The following TMEM132E variants were observed in gnomAD, a reference collection of about 807,000 sequenced individuals.
TMEM132E encodes the protein transmembrane protein 132E.
Under a neutral mutation model 78.5 loss-of-function variants are expected in TMEM132E, and 49 were observed. The ratio of observed to expected loss-of-function variants is 0.62; its 90% confidence interval spans 0.50 to 0.79. TMEM132E has a LOEUF of 0.79. Ranked by LOEUF, TMEM132E falls within the 30% of genes least tolerant of loss-of-function variation. The probability of loss-of-function intolerance (pLI) is 0.00; values close to 1 mark genes in which losing one functional copy is unlikely to be tolerated. For synonymous variants in TMEM132E, 715 were observed against 670.6 expected (o/e 1.07, Z -1.02); for missense variants, 1,403 against 1,470.9 (o/e 0.95, Z 0.75).
At chr17:34,615,128 T>A (rs1351184231) in intron 1 of TMEM132E, among the ~76,000 whole-genome samples, 1 of 110,290 alleles carries the variant, frequency 9.1e-6, no homozygotes, top group Non-Finnish European at 2.1e-5. Flanking sequence ...TTTCAGCAAG[T>A]CTTCCCTCCC....
chr17:34,623,401 T>TCCC (rs5820092), intron 1 of TMEM132E, among the ~76,000 whole-genome samples: 1 of 144,906 alleles, frequency 6.9e-6, no homozygotes, highest in African/African-American at 2.6e-5. Context: ...TAGTACCCGC[T>TCCC]CCCCCCCCCC....
chr17:34,584,361 C>A (rs541654271), intron 1 of TMEM132E, among the ~76,000 whole-genome samples: 1 of 152,242 alleles, frequency 6.6e-6, no homozygotes, highest in South Asian at 2.1e-4. Flanking sequence ...CTCCAGGGAG[C>A]CTCCGTAGAT....
chr17:34,594,378 A>G (rs955629909), intron 1 of TMEM132E, among the ~76,000 whole-genome samples: 1 of 152,236 alleles, frequency 6.6e-6, no homozygotes, highest in African/African-American at 2.4e-5. Flanking sequence ...TCATTCACTC[A>G]TTAACACATT....
At position 34,626,595 on chromosome 17, in the gene TMEM132E, C is replaced by T. The variant is rs751281806; in HGVS notation, c.536C>T (p.Ser179Phe). 1 of 1,542,908 alleles carries T rather than the reference C, an allele frequency of 6.5e-7. No individual in the cohort carries two copies. The highest frequency in any genetic ancestry group is 8.7e-7 in the Non-Finnish European group (1 of 1,150,280). The change falls in exon 2 of 9, where the codon TCC becomes TTC. Residue 179 changes from serine (S) to phenylalanine (F), a missense_variant. Ser to Phe is a radical substitution (Grantham distance 155). Around this residue, in one of 3 missense-constraint regions of TMEM132E, gnomAD observed 511 missense variants for 499.0 expected, o/e 1.02. Transcript: ENST00000631683. The part of the protein sequence containing the change: ...AFRDAREVKS[S>F]CRLSGGLATC... ...CGGGATGCCCGGGAAGTCAAGAGCT[C>T]CTGCCGCCTCAGCGGGGGCCTGGCC...
chr17:34,630,094 C>A lies in TMEM132E; in HGVS notation c.1425C>A (p.Leu475=), dbSNP rs144733722. ...VKVIAIEVNG[L]VLDISALVEC... ...TCATTGCCATCGAGGTGAATGGCCT[C>A]GTCCTGGACATCTCCGCCCTAGTGG... is the stretch of plus-strand genomic sequence containing the variant. The change falls in exon 5 of 9, where the codon CTC becomes CTA. Residue 475 remains leucine, a synonymous_variant. Transcript: ENST00000631683. 13 of 1,613,676 alleles carry A rather than the reference C, an allele frequency of 8.1e-6. No homozygotes were observed. The highest frequency in any genetic ancestry group is 1.1e-5 in the Non-Finnish European group (13 of 1,179,696).
chr17:34,625,968 G>A (rs1907101864), intron 1 of TMEM132E, among the ~76,000 whole-genome samples, 159 bp from the exon 2 acceptor site: 1 of 152,218 alleles, frequency 6.6e-6, no homozygotes, highest in African/African-American at 2.4e-5. Flanking sequence ...CTGAGCCAGG[G>A]TTGGGGCCCA....
chr17:34,589,746 C>T lies in TMEM132E; in HGVS notation c.67+8603C>T, dbSNP rs184769529. ...AGTTGGTAGTCCCTCCACCCACAACCGGAGCCCTGCCACCGCATGACGGCT... is the reference window on the plus strand; with the variant it reads ...AGTTGGTAGTCCCTCCACCCACAACTGGAGCCCTGCCACCGCATGACGGCT... On this transcript the variant is annotated intron_variant, in intron 1 of 8. Coordinates refer to ENST00000631683, the MANE Select transcript of TMEM132E (RefSeq NM_001304438.2). 5.9e-5 allele frequency among the ~76,000 whole-genome samples: 9 copies of T among 152,264 alleles called. No individual in the cohort carries two copies. In the East Asian group the frequency reaches 1.4e-3, roughly 23 times the overall value.
At chr17:34,586,771 C>A (rs72817881) in intron 1 of TMEM132E, among the ~76,000 whole-genome samples, 15,631 of 151,082 alleles carry the variant, frequency 0.1, 978 homozygotes, top group South Asian at 0.25. Flanking sequence ...ATGCTTGTTG[C>A]ACGAATGAAT....
rs539332455 is a variant in TMEM132E, at chr17:34,629,918, G to GA, written c.1339-90_1339-89insA. On this transcript the variant is annotated intron_variant, in intron 4 of 8. Coordinates refer to ENST00000631683, the MANE Select transcript of TMEM132E (RefSeq NM_001304438.2). ...GAAGGATGTGCATCTGAGGAGTGGGGGGGGAGCGTCCAGGAGCTGGGGCCT... is the reference window on the plus strand; with the variant it reads ...GAAGGATGTGCATCTGAGGAGTGGGGAGGGGAGCGTCCAGGAGCTGGGGCCT... 376 of 1,414,872 alleles carry GA rather than the reference G, an allele frequency of 2.7e-4. 3 individuals are homozygous for GA. In the African/African-American group the frequency reaches 4.8e-3, roughly 18 times the overall value. 87.6% of individuals were successfully genotyped at this position (1,414,872 alleles called of 1,614,324 possible).
chr17:34,635,838 T>A (rs1338853107), intron 7 of TMEM132E, 169 bp from the exon 8 acceptor site: 1 of 546,364 alleles, frequency 1.8e-6, no homozygotes, highest in Admixed American at 4.3e-5. Flanking sequence ...CTCTGGACAC[T>A]GGTTCCTGGT....
intron 1 of TMEM132E, among the ~76,000 whole-genome samples, chr17:34,609,617 A>T (rs564799363): frequency 6.6e-6 from 1 of 152,248 alleles, no homozygotes; most frequent in South Asian, 2.1e-4. Flanking sequence ...TGTGGAGGAG[A>T]CAAAGACAAG....
At chr17:34,613,592 C>G (rs1472351974) in intron 1 of TMEM132E, among the ~76,000 whole-genome samples, 1 of 151,990 alleles carries the variant, frequency 6.6e-6, no homozygotes, top group Non-Finnish European at 1.5e-5. Context: ...CTATTTCCTT[C>G]CTCTCTGTCC....
chr17:34,581,133 A>G lies in TMEM132E; in HGVS notation c.57A>G (p.Leu19=), dbSNP rs764630644. 18 of 1,520,122 alleles carry G rather than the reference A, an allele frequency of 1.2e-5. No individual in the cohort carries two copies. Among genetic ancestry groups the G allele is most frequent in the Non-Finnish European group, 1.5e-5 (17 of 1,139,176 alleles). 94.2% of individuals were successfully genotyped at this position (1,520,122 alleles called of 1,614,324 possible). Residue 19 remains leucine, a synonymous_variant, in exon 1 of 9, where the codon CTA becomes CTG. Coordinates refer to ENST00000631683, the MANE Select transcript of TMEM132E (RefSeq NM_001304438.2). The part of the protein sequence containing the change: ...GGAALLCLSA[L]LAHASGRSHP... Reference sequence around the variant, plus strand: ...CCGCCCTGCTCTGCCTCTCAGCGCTACTCGCCCACGGTAAGTGTCGCGGCG... The same window carrying G: ...CCGCCCTGCTCTGCCTCTCAGCGCTGCTCGCCCACGGTAAGTGTCGCGGCG...
chr17:34,632,962 C>T (rs1053878479), intron 6 of TMEM132E, 53 bp downstream of exon 6: 7 of 1,594,980 alleles, frequency 4.4e-6, no homozygotes, highest in Non-Finnish European at 6.0e-6. Flanking sequence ...GTGGATACAG[C>T]CTCGGCCCAC....
At chr17:34,627,132 T>TGGGGGGGGGTG in intron 2 of TMEM132E, 75 bp downstream of exon 2, 5 of 609,236 alleles carry the variant, frequency 8.2e-6, no homozygotes, top group Non-Finnish European at 1.2e-5. Context: ...GTGGGTGGGT[T>TGGGGGGGGGTG]GGGGGGTGGG....
In TMEM132E at chr17:34,627,401, G is replaced by A. The variant is rs182537377; in HGVS notation, c.998+344G>A. On this transcript the variant is annotated intron_variant, in intron 2 of 8. Coordinates refer to ENST00000631683, the MANE Select transcript of TMEM132E (RefSeq NM_001304438.2). Reference sequence around the variant, plus strand: ...GGCCCTTAGACATTTTACAGACAAGGAGACTGAGGCCAAGGAAGAGAAATT... The same window carrying A: ...GGCCCTTAGACATTTTACAGACAAGAAGACTGAGGCCAAGGAAGAGAAATT... 3.3e-4 allele frequency among the ~76,000 whole-genome samples: 50 copies of A among 151,834 alleles called. 1 individual carries two copies. The East Asian group carries it at 9.5e-3, about 29-fold the overall frequency.
At chr17:34,613,227 G>GCGCGCA (rs57158566) in intron 1 of TMEM132E, among the ~76,000 whole-genome samples, 1 of 149,972 alleles carries the variant, frequency 6.7e-6, no homozygotes, top group Non-Finnish European at 1.5e-5. Context: ...GCGCGCGCGC[G>GCGCGCA]TTCTTACATT....
At chr17:34,609,525 A>T (rs1315730159) in intron 1 of TMEM132E, among the ~76,000 whole-genome samples, 1 of 152,256 alleles carries the variant, frequency 6.6e-6, no homozygotes, top group Non-Finnish European at 1.5e-5. Flanking sequence ...CTCTCGCCCT[A>T]TGCACCAGCC....
chr17:34,632,861 G>A lies in TMEM132E; in HGVS notation c.1640G>A (p.Arg547His), dbSNP rs145662083. The A allele has an allele frequency of 5.8e-4, 935 of 1,614,064 alleles. 2 individuals carry two copies. The highest frequency in any genetic ancestry group is 7.2e-4 in the Non-Finnish European group (849 of 1,180,036). ...LPLHIELSDA[R>H]LSQVKGWRVP... is the part of the protein sequence containing the mutation. ...TTGCACATTGAGCTCTCAGATGCCC[G>A]CCTCAGCCAAGTGAAGGGCTGGAGG... The change falls in exon 6 of 9, where the codon CGC becomes CAC. Residue 547 changes from arginine (R) to histidine (H), a missense_variant. Around this residue, in one of 3 missense-constraint regions of TMEM132E, gnomAD observed 888 missense variants for 952.8 expected, o/e 0.93. Transcript: ENST00000631683.
Sources: allele counts gnomAD v4.1 joint callset (sites outside exome capture counted in the v4.1 genomes callset), GRCh38; gene constraint gnomAD v4.1.1; regional missense constraint gnomAD v4.1.1; transcripts MANE v1.5; gene names NCBI Gene and HGNC (gene_info 2026-07-23, HGNC 2026-07-21).